Variants in SH3PXD2B observed in about 807,000 individuals in gnomAD.
The protein encoded by SH3PXD2B is SH3 and PX domains 2B.
A neutral mutation model predicts 73.1 loss-of-function variants in SH3PXD2B; 37 were observed. That is an observed-to-expected ratio of 0.51 (90% CI 0.39 to 0.67). SH3PXD2B has a LOEUF of 0.67. SH3PXD2B is among the 30% of genes least tolerant of loss of function. The probability of loss-of-function intolerance (pLI) is 0.00; values close to 1 mark genes in which losing one functional copy is unlikely to be tolerated. For synonymous variants in SH3PXD2B, 457 were observed against 480.5 expected (o/e 0.95, Z 0.64); for missense variants, 1,053 against 1,197.8 (o/e 0.88, Z 1.78).
downstream of SH3PXD2B, among the ~76,000 whole-genome samples, chr5:172,329,083 A>ATATATATTTT (rs58472514): frequency 3.2e-5 from 2 of 61,806 alleles, no homozygotes; most frequent in African/African-American, 1.6e-4. Flanking sequence ...ATATATATAT[A>ATATATATTTT]TTTTTTTTTT....
intron 6 of SH3PXD2B, 152 bp from the exon 7 acceptor site, chr5:172,363,021 T>A: frequency 9.2e-7 from 1 of 1,091,724 alleles, no homozygotes; most frequent in Non-Finnish European, 1.4e-6. Flanking sequence ...TTCATTGTTC[T>A]ATTCATGTGC....
intron 8 of SH3PXD2B, among the ~76,000 whole-genome samples, chr5:172,355,630 C>T (rs930739326): frequency 9.2e-5 from 14 of 152,016 alleles, no homozygotes; most frequent in African/African-American, 3.4e-4. Flanking sequence ...CTGCAAACTC[C>T]GCCTCCCGGG....
intron 6 of SH3PXD2B, among the ~76,000 whole-genome samples, chr5:172,369,192 G>GTTGAA (rs377531083): frequency 1.5e-3 from 225 of 151,038 alleles, no homozygotes; most frequent in African/African-American, 5.3e-3. Flanking sequence ...ACCACGCCTG[G>GTTGAA]TTGAATGTTT....
chr5:172,387,249 A>G (rs1758080902), intron 4 of SH3PXD2B, among the ~76,000 whole-genome samples: 1 of 152,188 alleles, frequency 6.6e-6, no homozygotes, highest in Admixed American at 6.5e-5. Context: ...TATGATGCTT[A>G]GTTACTACCT....
intron 6 of SH3PXD2B, among the ~76,000 whole-genome samples, chr5:172,363,729 GA>G (rs1424000349): frequency 6.6e-6 from 1 of 152,180 alleles, no homozygotes; most frequent in African/African-American, 2.4e-5. Flanking sequence ...GAAGTGCATG[GA>G]AAGAGTGGTT....
At chr5:172,436,731 C>T (rs1021784520) in intron 1 of SH3PXD2B, among the ~76,000 whole-genome samples, 1 of 152,200 alleles carries the variant, frequency 6.6e-6, no homozygotes, top group Non-Finnish European at 1.5e-5. Context: ...CTAGGGCTTC[C>T]GCTCACAGGC....
chr5:172,335,374 G>T lies in SH3PXD2B; in HGVS notation c.*2995C>A. 8.2e-7 allele frequency: 1 copy of T among 1,218,324 alleles called. No homozygotes were observed. Among genetic ancestry groups the T allele is most frequent in the Non-Finnish European group, 1.0e-6 (1 of 980,046 alleles). 75.5% of individuals were successfully genotyped at this position (1,218,324 alleles called of 1,614,324 possible). On this transcript the variant is annotated 3_prime_UTR_variant, in exon 13 of 13. Coordinates refer to ENST00000311601, the MANE Select transcript of SH3PXD2B (RefSeq NM_001017995.3). ...TCACTTGATTCCCTGGAAGCCCTCC[G>T]CACACTTCCCTGCTAATGGCAGAGA...
chr5:172,383,797 A>T (rs1460412904), intron 4 of SH3PXD2B, among the ~76,000 whole-genome samples: 1 of 151,232 alleles, frequency 6.6e-6, no homozygotes, highest in African/African-American at 2.4e-5. Context: ...GCTGAGCCTG[A>T]GTCTCTGGGG....
At chr5:172,401,448 T>C (rs192236507) in intron 3 of SH3PXD2B, among the ~76,000 whole-genome samples, 28 of 152,342 alleles carry the variant, frequency 1.8e-4, no homozygotes, top group East Asian at 7.7e-4. Flanking sequence ...ATTAAGTCTA[T>C]TGGGGGCTCC....
Position 172,448,485 on chromosome 5 carries a change from C to T in SH3PXD2B, c.75+5793G>A, listed in dbSNP as rs1267785411. Among the ~76,000 whole-genome samples the T allele has an allele frequency of 2.0e-5, 3 of 152,194 alleles. No individual in the cohort carries two copies. In the East Asian group the frequency reaches 5.8e-4, roughly 29 times the overall value. ...TTGAGTGCCTTTTATACCCATGAGG[C>T]TGAGCATTGTGTGCTAGGTACTATG... On this transcript the variant is annotated intron_variant, in intron 1 of 12. Coordinates refer to ENST00000311601, the MANE Select transcript of SH3PXD2B (RefSeq NM_001017995.3).
chr5:172,344,493 C>T (rs1252447891), intron 12 of SH3PXD2B, among the ~76,000 whole-genome samples: 1 of 144,666 alleles, frequency 6.9e-6, no homozygotes, highest in Non-Finnish European at 1.5e-5. Context: ...GAGGCTGAGG[C>T]AGGAGAATCA....
intron 1 of SH3PXD2B, among the ~76,000 whole-genome samples, chr5:172,442,784 C>T (rs1396323593): frequency 6.6e-6 from 1 of 152,150 alleles, no homozygotes; most frequent in South Asian, 2.1e-4. Flanking sequence ...GCTCTAAACC[C>T]TCTACATGAA....
intron 3 of SH3PXD2B, among the ~76,000 whole-genome samples, chr5:172,403,595 G>A (rs561738756): frequency 6.6e-6 from 1 of 152,326 alleles, no homozygotes; most frequent in South Asian, 2.1e-4. Flanking sequence ...GATGGATTAC[G>A]TAACCATGAA....
At chr5:172,427,377 G>A (rs765005859) in intron 1 of SH3PXD2B, among the ~76,000 whole-genome samples, 3 of 152,108 alleles carry the variant, frequency 2.0e-5, no homozygotes, top group Non-Finnish European at 4.4e-5. Flanking sequence ...ATGAGGTCTC[G>A]CTCTGTCACC....
intron 6 of SH3PXD2B, among the ~76,000 whole-genome samples, chr5:172,369,382 AC>A (rs1757651663): frequency 6.6e-6 from 1 of 152,060 alleles, no homozygotes; most frequent in African/African-American, 2.4e-5. Context: ...TCACTGTCTG[AC>A]CCTTTAGAGA....
intron 2 of SH3PXD2B, among the ~76,000 whole-genome samples, chr5:172,415,426 C>T (rs1450277495): frequency 6.6e-6 from 1 of 152,116 alleles, no homozygotes; most frequent in Non-Finnish European, 1.5e-5. Flanking sequence ...AAGGCAATCC[C>T]GGGGCCCAAG....
chr5:172,368,471 T>TATATATATATAAA (rs1757580265), intron 6 of SH3PXD2B, among the ~76,000 whole-genome samples: 1 of 24,338 alleles, frequency 4.1e-5, no homozygotes, highest in Non-Finnish European at 6.5e-5. Flanking sequence ...ATATATATTA[T>TATATATATATAAA]ATATATATAT....
chr5:172,375,745 T>G (rs1757808053), intron 5 of SH3PXD2B, among the ~76,000 whole-genome samples: 1 of 152,270 alleles, frequency 6.6e-6, no homozygotes, highest in Non-Finnish European at 1.5e-5. Context: ...ATTTGTTTAC[T>G]CCTCACTAAG....
intron 10 of SH3PXD2B, among the ~76,000 whole-genome samples, chr5:172,349,957 C>T (rs549847653): frequency 8.6e-4 from 131 of 152,198 alleles, no homozygotes; most frequent in African/African-American, 2.7e-3. Flanking sequence ...CGGGTTCAAG[C>T]GATTCTCCTA....
Sources: gnomAD v4.1 joint callset for allele counts (sites outside exome capture counted in the v4.1 genomes callset) on GRCh38, gnomAD v4.1.1 for gene constraint, MANE v1.5 for transcripts, NCBI Gene and HGNC (gene_info 2026-07-23, HGNC 2026-07-21) for gene names.